The following ODC1 variants were observed in gnomAD, a reference collection of about 807,000 sequenced individuals.
The protein encoded by ODC1 is ornithine decarboxylase 1.
ODC1 carries 18 observed loss-of-function variants against 41.5 expected under a neutral mutation model. That is an observed-to-expected ratio of 0.43 (90% confidence interval 0.30 to 0.64). ODC1 has a LOEUF of 0.64. Among genes scored for constraint, ODC1 ranks in the 30% least tolerant of loss-of-function variants. The probability of loss-of-function intolerance (pLI) is 0.11; values close to 1 mark genes in which losing one functional copy is unlikely to be tolerated. For missense variants in ODC1, 504 were observed against 589.0 expected (o/e 0.86, Z 1.49); for synonymous variants, 218 against 211.6 (o/e 1.03, Z -0.26).
chr2:10,441,656 C>T lies in ODC1; in HGVS notation c.1094G>A (p.Arg365Gln), dbSNP rs757062208. The T allele has an allele frequency of 9.9e-6, 16 of 1,614,058 alleles. No individual in the cohort carries two copies. Among genetic ancestry groups the T allele is most frequent in the East Asian group, 2.2e-5 (1 of 44,898 alleles). The change falls in exon 11 of 12, where the codon CGG becomes CAG. Residue 365 changes from arginine to glutamine, a missense_variant. Arg to Gln is a conservative substitution (Grantham distance 43). Around this residue, in one of 3 missense-constraint regions of ODC1, gnomAD observed 447 missense variants for 524.4 expected, o/e 0.85. Coordinates refer to ENST00000234111, the MANE Select transcript of ODC1 (RefSeq NM_002539.3). Reference sequence around the variant, plus strand: ...AGGCAGGTCACAGCGCTCAACAATCCGATCGAGGCCATCACATGTTGGTCC... The same window carrying T: ...AGGCAGGTCACAGCGCTCAACAATCTGATCGAGGCCATCACATGTTGGTCC... ...IWGPTCDGLD[R>Q]IVERCDLPEM... is the part of the protein sequence containing the mutation.
intron 11 of ODC1, 127 bp from the exon 12 acceptor site, chr2:10,440,995 T>TA (rs1671802027): frequency 1.8e-6 from 2 of 1,086,114 alleles, no homozygotes; most frequent in Non-Finnish European, 2.6e-6. Flanking sequence ...CTTTCTCTGT[T>TA]ACTCAGGCTG....
intron 8 of ODC1, 122 bp downstream of exon 8, chr2:10,443,108 A>G: frequency 1.3e-6 from 1 of 772,516 alleles, no homozygotes; most frequent in Non-Finnish European, 2.2e-6. Context: ...AAATCACTCA[A>G]AATATCACAC....
rs1179134632 is a variant in ODC1, at chr2:10,440,022, C to T, written c.*702G>A. ...AATAAGCTGACTGCCAAATGTGGTA[C>T]CGTATACATTCCTAACTTCTCACAG... On this transcript the variant is annotated 3_prime_UTR_variant, in exon 12 of 12. Transcript: ENST00000234111. 2 of 152,290 alleles carry T rather than the reference C, an allele frequency of 1.3e-5. No homozygotes were observed. Among genetic ancestry groups the T allele is most frequent in the South Asian group, 2.1e-4 (1 of 4,826 alleles). The allele number at this position is 152,290 out of a possible 1,614,324, so 9.4% of individuals were successfully genotyped here.
chr2:10,442,095 C>T lies in ODC1; in HGVS notation c.830G>A (p.Arg277Lys). The T allele has an allele frequency of 6.2e-7, 1 of 1,614,162 alleles. No homozygotes were observed. Among genetic ancestry groups the T allele is most frequent in the South Asian group, 1.1e-5 (1 of 91,074 alleles). The change falls in exon 9 of 12, where the codon AGA becomes AAA. Residue 277 changes from arginine to lysine, a missense_variant. By Grantham distance (26) the Arg-to-Lys change is conservative (BLOSUM62 2). Around this residue, in one of 3 missense-constraint regions of ODC1, gnomAD observed 447 missense variants for 524.4 expected, o/e 0.85. Transcript: ENST00000234111. ...SGVRIIAEPG[R>K]YYVASAFTLA... ...CGTGAAAGCTGATGCAACATAGTATCTGCCGGGCTCAGCTATGATTCTCAC... is the reference window on the plus strand; with the variant it reads ...CGTGAAAGCTGATGCAACATAGTATTTGCCGGGCTCAGCTATGATTCTCAC...
chr2:10,441,921 C>T lies in ODC1; in HGVS notation c.922G>A (p.Glu308Lys). 6.2e-7 allele frequency: 1 copy of T among 1,614,058 alleles called. No homozygotes were observed. The highest frequency in any genetic ancestry group is 8.5e-7 in the Non-Finnish European group (1 of 1,179,962). ...KEQTGSDDED[E>K]SSEQTFMYYV... The stretch of plus-strand genomic sequence containing the variant: ...TACATAAAGGTCTGCTCACTCGACT[C>T]ATCTTCGTCTAGAAAGGCAGATCAA... Residue 308 changes from glutamate to lysine, a missense_variant, in exon 10 of 12, where the codon GAG becomes AAG. Glu to Lys is a moderately conservative substitution (Grantham distance 56, BLOSUM62 1). Coordinates refer to ENST00000234111, the MANE Select transcript of ODC1 (RefSeq NM_002539.3).
Position 10,443,480 on chromosome 2 carries a change from GTA to G in ODC1, c.666+8_666+9del. The G allele has an allele frequency of 3.1e-6, 5 of 1,612,440 alleles. No homozygotes were observed. Among genetic ancestry groups the G allele is most frequent in the Non-Finnish European group, 3.4e-6 (4 of 1,178,530 alleles). On this transcript the variant is annotated splice_region_variant and intron_variant, in intron 7 of 11. Coordinates refer to ENST00000234111, the MANE Select transcript of ODC1 (RefSeq NM_002539.3). ...TCCCGCCCTTCCCTAACAGGGTCAC[GTA>G]TACTCACCCCCATGTCAAAAACACA...
intron 7 of ODC1, 27 bp downstream of exon 7, chr2:10,443,463 T>G (rs1359461145): frequency 6.2e-7 from 1 of 1,607,268 alleles, no homozygotes; most frequent in African/African-American, 1.3e-5. Context: ...TGTCCCGCCC[T>G]TCCCTAACAG....
chr2:10,447,107 A>T (rs1296552059), intron 1 of ODC1, among the ~76,000 whole-genome samples: 1 of 152,166 alleles, frequency 6.6e-6, no homozygotes, highest in Non-Finnish European at 1.5e-5. Context: ...TAAACTTGGA[A>T]AGTTTTGATT....
chr2:10,441,239 C>A (rs1185367937), intron 11 of ODC1, among the ~76,000 whole-genome samples: 2 of 152,202 alleles, frequency 1.3e-5, no homozygotes, highest in African/African-American at 4.8e-5. Flanking sequence ...TGAGCCAGCA[C>A]ACCTGGCCAA....
chr2:10,441,828 G>A lies in ODC1; in HGVS notation c.1015C>T (p.Leu339Phe), dbSNP rs1671831309. The change falls in exon 10 of 12, where the codon CTT (leucine) becomes TTT (phenylalanine). Residue 339 changes from leucine (L) to phenylalanine (F), a missense_variant. Physicochemically the swap from Leu to Phe is conservative, Grantham distance 22. This residue lies in a region of ODC1 where 447 missense variants were observed against 524.4 expected (regional missense o/e 0.85). Transcript: ENST00000234111. ...TGCTCAGAAATTACCTTTTGCAGAAGGGGCTTTACATGTGCGTGGTCATAG... is the reference window on the plus strand; with the variant it reads ...TGCTCAGAAATTACCTTTTGCAGAAAGGGCTTTACATGTGCGTGGTCATAG... Reference protein sequence around the residue: ...ILYDHAHVKPLLQKRPKPDEK... With the variant: ...ILYDHAHVKPFLQKRPKPDEK... 6.2e-7 allele frequency: 1 copy of A among 1,614,074 alleles called. No individual in the cohort carries two copies. Among genetic ancestry groups the A allele is most frequent in the Non-Finnish European group, 8.5e-7 (1 of 1,179,944 alleles).
At chr2:10,447,285 TA>T (rs747944993) in intron 1 of ODC1, among the ~76,000 whole-genome samples, 2 of 152,218 alleles carry the variant, frequency 1.3e-5, no homozygotes, top group Non-Finnish European at 2.9e-5. Context: ...TTAGAAGAGA[TA>T]GGGGCTAATT....
chr2:10,443,882 C>T, intron 5 of ODC1, 46 bp from the exon 6 acceptor site: 1 of 1,601,746 alleles, frequency 6.2e-7, no homozygotes. Flanking sequence ...TAGATGTTCA[C>T]TTATAGCCAC....
At position 10,441,600 on chromosome 2, in the gene ODC1, C is replaced by T; in HGVS notation, c.1150G>A (p.Glu384Lys). The T allele has an allele frequency of 6.2e-7, 1 of 1,614,196 alleles. No homozygotes were observed. Among genetic ancestry groups the T allele is most frequent in the Non-Finnish European group, 8.5e-7 (1 of 1,180,026 alleles). ...GCAACAGTGTAAGCGCCCATGTTTT[C>T]AAAGAGCATCCAATCACCCACATGC... ...EMHVGDWMLF[E>K]NMGAYTVAAA... Residue 384 changes from glutamate to lysine, a missense_variant, in exon 11 of 12, where the codon GAA becomes AAA. Glu to Lys is a moderately conservative substitution (Grantham distance 56). Coordinates refer to ENST00000234111, the MANE Select transcript of ODC1 (RefSeq NM_002539.3).
In ODC1 at chr2:10,443,252, T is replaced by C. The variant is rs548307029; in HGVS notation, c.728A>G (p.Asp243Gly). ...DIGGGFPGSE[D>G]VKLKFEEITG... ...TACCTCTTCAAATTTAAGTTTCACA[T>C]CCTCAGATCCAGGAAAGCCACCGCC... is the stretch of plus-strand genomic sequence containing the variant. Residue 243 changes from aspartate (D) to glycine (G), a missense_variant, in exon 8 of 12, where the codon GAT becomes GGT. Coordinates refer to ENST00000234111, the MANE Select transcript of ODC1 (RefSeq NM_002539.3). 3 of 1,612,214 alleles carry C rather than the reference T, an allele frequency of 1.9e-6. No homozygotes were observed. The highest frequency in any genetic ancestry group is 1.7e-5 in the Admixed American group (1 of 59,314).
chr2:10,443,869 T>C (rs1365952640), intron 5 of ODC1, 33 bp from the exon 6 acceptor site: 1 of 1,609,736 alleles, frequency 6.2e-7, no homozygotes, highest in African/African-American at 1.3e-5. Flanking sequence ...AAATGTCTCA[T>C]GATAGATGTT....
At chr2:10,445,579 T>C (rs1044443663) in intron 1 of ODC1, among the ~76,000 whole-genome samples, 2 of 152,270 alleles carry the variant, frequency 1.3e-5, no homozygotes, top group Non-Finnish European at 2.9e-5. Context: ...AGTCTTATAA[T>C]GGTCTGATTT....
rs1298791751 is a variant in ODC1, at chr2:10,441,615, C to T, written c.1135G>A (p.Asp379Asn). The T allele has an allele frequency of 4.3e-6, 7 of 1,614,226 alleles. No homozygotes were observed. The East Asian group carries it at 1.6e-4, about 36-fold the overall frequency. The change falls in exon 11 of 12, where the codon GAT (aspartate) becomes AAT (asparagine). Residue 379 changes from aspartate (D) to asparagine (N), a missense_variant. Physicochemically the swap from Asp to Asn is conservative, Grantham distance 23 (BLOSUM62 1). Around this residue, in one of 3 missense-constraint regions of ODC1, gnomAD observed 447 missense variants for 524.4 expected, o/e 0.85. Coordinates refer to ENST00000234111, the MANE Select transcript of ODC1 (RefSeq NM_002539.3). ...CCCATGTTTTCAAAGAGCATCCAAT[C>T]ACCCACATGCATTTCAGGCAGGTCA... is the stretch of plus-strand genomic sequence containing the variant. ...RCDLPEMHVG[D>N]WMLFENMGAY...
At position 10,443,375 on chromosome 2, in the gene ODC1, T is replaced by C. The variant is rs891690955; in HGVS notation, c.667-62A>G. The C allele has an allele frequency of 1.0e-5, 16 of 1,565,752 alleles. No individual in the cohort carries two copies. The African/African-American group carries it at 1.2e-4, about 12-fold the overall frequency. On this transcript the variant is annotated intron_variant, in intron 7 of 11. Coordinates refer to ENST00000234111, the MANE Select transcript of ODC1 (RefSeq NM_002539.3). ...TAATAACAAAAATGTATGCAGCAGA[T>C]AGGCTGAAACCCATGTAATACAGAA...
intron 1 of ODC1, among the ~76,000 whole-genome samples, chr2:10,447,108 A>C (rs28362379): frequency 0.026 from 3,986 of 152,310 alleles, 206 homozygotes; most frequent in African/African-American, 0.092. Flanking sequence ...AAACTTGGAA[A>C]GTTTTGATTT....
Sources: allele counts gnomAD v4.1 joint callset (sites outside exome capture counted in the v4.1 genomes callset), GRCh38; gene constraint gnomAD v4.1.1; regional missense constraint gnomAD v4.1.1; transcripts MANE v1.5; gene names NCBI Gene and HGNC (gene_info 2026-07-23, HGNC 2026-07-21).